The following WDR26 variants were observed in gnomAD, a reference collection of about 807,000 sequenced individuals.
The protein encoded by WDR26 is WD repeat-containing protein 26.
Under a neutral mutation model 84.1 loss-of-function variants are expected in WDR26, and 5 were observed. The ratio of observed to expected loss-of-function variants is 0.06; its 90% CI spans 0.03 to 0.13. The LOEUF (loss-of-function observed/expected upper bound fraction) is 0.13, where lower values mean the gene tolerates loss of function less well. Ranked by LOEUF, WDR26 falls within the 10% of genes least tolerant of loss-of-function variation. The pLI, the probability that WDR26 is intolerant of heterozygous loss-of-function variation, is 1.00. For missense variants in WDR26, 642 were observed against 974.9 expected (o/e 0.66, Z 4.55); for synonymous variants, 415 against 389.6 (o/e 1.07, Z -0.77).
rs777811129 is a variant in WDR26 at position 224,431,759 on chromosome 1, G to C, written c.745C>G (p.Gln249Glu). 9.9e-6 allele frequency: 16 copies of C among 1,612,716 alleles called. 1 individual carries two copies. In the South Asian group the frequency reaches 1.6e-4, roughly 17 times the overall value. The change falls in exon 2 of 14, where the codon CAA becomes GAA. Residue 249 changes from glutamine (Q) to glutamate (E), a missense_variant. This residue lies in a region of WDR26 where 351 missense variants were observed against 672.8 expected (regional missense o/e 0.52). Coordinates refer to ENST00000414423, the MANE Select transcript of WDR26 (RefSeq NM_001379403.1). ...TGTTCTAAACGACATCCTGACTCTTGCATGAGGAGATCAACAGTCTGGCTG... is the reference window on the plus strand; with the variant it reads ...TGTTCTAAACGACATCCTGACTCTTCCATGAGGAGATCAACAGTCTGGCTG...
chr1:224,405,955 G>C (rs540659012), intron 7 of WDR26, among the ~76,000 whole-genome samples: 2 of 152,304 alleles, frequency 1.3e-5, no homozygotes, highest in African/African-American at 4.8e-5. Flanking sequence ...ACAGGATAAG[G>C]CAACCATAAA....
rs1673066050 is a variant in WDR26 at position 224,389,510 on chromosome 1, T to C, written c.*325A>G. On this transcript the variant is annotated 3_prime_UTR_variant, in exon 14 of 14. Transcript: ENST00000414423. ...TTACACAGAAGAGCAACAAGAATGG[T>C]ATCCTGCCAGACAAAAGACAGGAAG... 2.0e-6 allele frequency: 1 copy of C among 510,510 alleles called. No homozygotes were observed. Among genetic ancestry groups the C allele is most frequent in the Non-Finnish European group, 3.4e-6 (1 of 294,518 alleles). 31.6% of individuals were successfully genotyped at this position (510,510 alleles called of 1,614,324 possible). A position where few individuals can be genotyped will look rare whatever the true frequency, so the allele number is the denominator to read the frequency against.
chr1:224,395,076 T>C (rs1263103012), intron 12 of WDR26, among the ~76,000 whole-genome samples: 1 of 152,122 alleles, frequency 6.6e-6, no homozygotes, highest in African/African-American at 2.4e-5. Context: ...TGGTTGAGAG[T>C]ATGGGCTCTG....
chr1:224,400,048 G>A (rs1384551632), intron 9 of WDR26, among the ~76,000 whole-genome samples: 3 of 152,120 alleles, frequency 2.0e-5, no homozygotes, highest in Non-Finnish European at 2.9e-5. Flanking sequence ...ACAGAATCTA[G>A]ACTACACTGC....
intron 7 of WDR26, among the ~76,000 whole-genome samples, chr1:224,410,208 G>A (rs1389192149): frequency 6.7e-6 from 1 of 150,252 alleles, no homozygotes; most frequent in Non-Finnish European, 1.5e-5. Flanking sequence ...TTGAACCCAG[G>A]AGGTGGAGGT....
intron 8 of WDR26, among the ~76,000 whole-genome samples, chr1:224,401,667 G>T (rs1673416027): frequency 5.5e-4 from 1 of 1,830 alleles, no homozygotes. Context: ...GAGTGAGACT[G>T]TCTCAAAAAA....
rs779927279 is a variant in WDR26 at position 224,423,296 on chromosome 1, T to C, written c.1064+1222A>G. ...CAATGTTGAACAGACGTAGCAAGAG[T>C]AGACATCATTGTCCTATTCTTGATC... On this transcript the variant is annotated intron_variant, in intron 4 of 13. Coordinates refer to ENST00000414423, the MANE Select transcript of WDR26 (RefSeq NM_001379403.1). 5.8e-4 allele frequency among the ~76,000 whole-genome samples: 88 copies of C among 152,178 alleles called. 1 individual carries two copies. Among genetic ancestry groups the C allele is most frequent in the Non-Finnish European group, 8.4e-4 (57 of 68,022 alleles).
intron 3 of WDR26, 68 bp from the exon 4 acceptor site, chr1:224,424,722 A>G: frequency 6.2e-7 from 1 of 1,602,766 alleles, no homozygotes. Context: ...GTTTGTGCCT[A>G]AACAGAACAG....
At chr1:224,428,658 A>G (rs1275463559) in intron 3 of WDR26, among the ~76,000 whole-genome samples, 1 of 151,984 alleles carries the variant, frequency 6.6e-6, no homozygotes, top group Non-Finnish European at 1.5e-5. Flanking sequence ...GCACTCTGCG[A>G]GGCTGAGGCG....
At position 224,431,693 on chromosome 1, in the gene WDR26, C is replaced by A; in HGVS notation, c.811G>T (p.Asp271Tyr). ...ATGCCCTACTTTACCTTATCCCAGT[C>A]TCCTTCCATGACATGATTTCGGAAT... The change falls in exon 2 of 14, where the codon GAC (aspartate) becomes TAC (tyrosine). Residue 271 changes from aspartate to tyrosine, a missense_variant. By Grantham distance (160) the Asp-to-Tyr change is radical. This residue lies in a region of WDR26 where 351 missense variants were observed against 672.8 expected (regional missense o/e 0.52). Transcript: ENST00000414423. 6.2e-7 allele frequency: 1 copy of A among 1,613,720 alleles called. No individual in the cohort carries two copies. The highest frequency in any genetic ancestry group is 8.5e-7 in the Non-Finnish European group (1 of 1,179,678).
At chr1:224,406,168 T>C (rs997941162) in intron 7 of WDR26, among the ~76,000 whole-genome samples, 5 of 152,106 alleles carry the variant, frequency 3.3e-5, no homozygotes, top group African/African-American at 9.7e-5. Flanking sequence ...CTGGACAACA[T>C]AGGGAGATCC....
intron 7 of WDR26, among the ~76,000 whole-genome samples, chr1:224,406,222 A>G (rs537867538): frequency 1.3e-5 from 2 of 152,346 alleles, no homozygotes; most frequent in African/African-American, 2.4e-5. Flanking sequence ...TAAAAATGAC[A>G]TGACAGAAAA....
intron 6 of WDR26, among the ~76,000 whole-genome samples, chr1:224,414,107 C>T (rs943948235): frequency 8.6e-5 from 13 of 150,974 alleles, no homozygotes; most frequent in African/African-American, 2.4e-4. Flanking sequence ...CCACCACGCC[C>T]GGCCTGTTTT....
chr1:224,422,054 A>G (rs1674079244), intron 4 of WDR26, among the ~76,000 whole-genome samples: 1 of 152,202 alleles, frequency 6.6e-6, no homozygotes, highest in Non-Finnish European at 1.5e-5. Flanking sequence ...GCTATAAAGA[A>G]AAAACATAAA....
intron 3 of WDR26, among the ~76,000 whole-genome samples, chr1:224,425,599 T>C (rs1395114869): frequency 2.6e-5 from 4 of 152,236 alleles, no homozygotes; most frequent in African/African-American, 7.2e-5. Context: ...AGCAGTTTTT[T>C]ACAAGAGAAA....
chr1:224,401,123 T>A (rs7518109), intron 8 of WDR26, 54 bp from the exon 9 acceptor site: 334,108 of 1,523,378 alleles, frequency 0.22, 41,882 homozygotes, highest in African/African-American at 0.51. Context: ...TCTAAAGGAA[T>A]TATGTGAGAA....
intron 13 of WDR26, among the ~76,000 whole-genome samples, chr1:224,390,353 C>G (rs1673090293): frequency 6.6e-6 from 1 of 152,236 alleles, no homozygotes; most frequent in African/African-American, 2.4e-5. Context: ...CTCCTGAGCT[C>G]AAGCAATCTG....
chr1:224,433,622 A>ACACC, intron 1 of WDR26, 62 bp downstream of exon 1: 1 of 852,362 alleles, frequency 1.2e-6, no homozygotes, highest in Non-Finnish European at 1.4e-6. Flanking sequence ...CCCTTCCCCT[A>ACACC]CCCCCCTGGA....
At chr1:224,423,398 T>C (rs1674119674) in intron 4 of WDR26, among the ~76,000 whole-genome samples, 1 of 152,236 alleles carries the variant, frequency 6.6e-6, no homozygotes, top group Admixed American at 6.5e-5. Context: ...TCAAGGAAGT[T>C]CCTTTCTATT....
Sources: gnomAD v4.1 joint callset for allele counts (sites outside exome capture counted in the v4.1 genomes callset) on GRCh38, gnomAD v4.1.1 for gene constraint, gnomAD v4.1.1 regional missense constraint, MANE v1.5 for transcripts, NCBI Gene and HGNC (gene_info 2026-07-23, HGNC 2026-07-21) for gene names.